The following NRXN3 variants were observed in gnomAD, a reference collection of about 807,000 sequenced individuals.
NRXN3 encodes neurexin 3, also known as neurexin III.
In NRXN3, 32 loss-of-function variants were observed where a neutral mutation model predicts 137.6. That is an observed-to-expected ratio of 0.23 (90% CI 0.18 to 0.31). The LOEUF (loss-of-function observed/expected upper bound fraction) is 0.31, where lower values mean the gene tolerates loss of function less well. NRXN3 is among the 10% of genes least tolerant of loss of function. The pLI is 1.00. For synonymous variants in NRXN3, 798 were observed against 784.5 expected (o/e 1.02, Z -0.29); for missense variants, 1,574 against 2,062.5 (o/e 0.76, Z 4.59).
chr14:79,217,719 C>T (rs759011948), intron 15 of NRXN3, among the ~76,000 whole-genome samples: 2 of 152,108 alleles, frequency 1.3e-5, no homozygotes, highest in Non-Finnish European at 2.9e-5. Flanking sequence ...CTCTGGTACC[C>T]TGCTCCCTCC....
chr14:78,972,622 A>G (rs1449607320), intron 14 of NRXN3, among the ~76,000 whole-genome samples: 5 of 152,038 alleles, frequency 3.3e-5, no homozygotes, highest in Non-Finnish European at 7.4e-5. Flanking sequence ...GTGCTTTGTC[A>G]AGTCTGATGC....
chr14:79,491,721 G>A (rs564167158), intron 16 of NRXN3, among the ~76,000 whole-genome samples: 2 of 152,250 alleles, frequency 1.3e-5, no homozygotes, highest in South Asian at 2.1e-4. Flanking sequence ...AAATGCCAAT[G>A]AGCATGATGG....
chr14:78,588,262 A>G (rs771010720), intron 4 of NRXN3, among the ~76,000 whole-genome samples: 1 of 152,190 alleles, frequency 6.6e-6, no homozygotes, highest in Non-Finnish European at 1.5e-5. Context: ...TCACCACTCA[A>G]TCATTCTCCT....
intron 15 of NRXN3, among the ~76,000 whole-genome samples, chr14:79,143,515 T>C (rs1050816655): frequency 6.6e-6 from 1 of 152,236 alleles, no homozygotes; most frequent in African/African-American, 2.4e-5. Flanking sequence ...TCTGACATGG[T>C]ACCTTCTTAA....
intron 15 of NRXN3, among the ~76,000 whole-genome samples, chr14:79,013,117 T>G (rs1184675343): frequency 1.3e-5 from 2 of 152,194 alleles, no homozygotes; most frequent in Non-Finnish European, 2.9e-5. Context: ...TTTGCCTGTA[T>G]GAAATTCATT....
At chr14:79,193,662 A>C (rs536337761) in intron 15 of NRXN3, among the ~76,000 whole-genome samples, 1 of 152,332 alleles carries the variant, frequency 6.6e-6, no homozygotes, top group South Asian at 2.1e-4. Context: ...GCAGGGAAAA[A>C]AATCTGCTTA....
intron 8 of NRXN3, among the ~76,000 whole-genome samples, chr14:78,733,310 G>A (rs1326379215): frequency 1.3e-5 from 2 of 152,062 alleles, no homozygotes; most frequent in African/African-American, 4.8e-5. Flanking sequence ...CTCAGTCTTT[G>A]CATCCAAAAC....
At chr14:79,737,225 T>A (rs2098945186) in intron 19 of NRXN3, among the ~76,000 whole-genome samples, 1 of 152,218 alleles carries the variant, frequency 6.6e-6, no homozygotes, top group Admixed American at 6.5e-5. Flanking sequence ...CCATGGGTTG[T>A]CCACTTTGTG....
chr14:78,304,390 G>C (rs1423261778), intron 4 of NRXN3, among the ~76,000 whole-genome samples: 2 of 152,160 alleles, frequency 1.3e-5, no homozygotes, highest in Non-Finnish European at 2.9e-5. Context: ...GGAAAGAATT[G>C]TCAAGTTAAA....
At chr14:79,589,691 CAAAA>C (rs779843165) in intron 16 of NRXN3, among the ~76,000 whole-genome samples, 1 of 148,824 alleles carries the variant, frequency 6.7e-6, no homozygotes, top group South Asian at 2.1e-4. Context: ...CATTATTGAA[CAAAA>C]AAAAAGCCCA....
intron 16 of NRXN3, among the ~76,000 whole-genome samples, chr14:79,541,637 T>C (rs1424847): frequency 0.27 from 41,361 of 152,120 alleles, 6,482 homozygotes; most frequent in African/African-American, 0.42. Flanking sequence ...CAGACACTCA[T>C]GTACCTGACA....
At chr14:78,317,534 C>G (rs776617772) in intron 4 of NRXN3, among the ~76,000 whole-genome samples, 1 of 152,180 alleles carries the variant, frequency 6.6e-6, no homozygotes, top group Non-Finnish European at 1.5e-5. Flanking sequence ...TTCTGCTTTC[C>G]CCCTGCCACT....
intron 19 of NRXN3, among the ~76,000 whole-genome samples, chr14:79,797,467 A>G (rs1006968565): frequency 6.6e-6 from 1 of 152,138 alleles, no homozygotes; most frequent in African/African-American, 2.4e-5. Flanking sequence ...TAGTATCTTA[A>G]CAAGACTAGA....
At chr14:78,940,819 G>A (rs528959903) in intron 10 of NRXN3, among the ~76,000 whole-genome samples, 215 of 152,242 alleles carry the variant, frequency 1.4e-3, no homozygotes, top group Non-Finnish European at 2.9e-3. Context: ...ATAGCAGCAA[G>A]TAGTGCTGAT....
At chr14:78,372,927 G>T (rs1452774500) in intron 4 of NRXN3, among the ~76,000 whole-genome samples, 1 of 152,160 alleles carries the variant, frequency 6.6e-6, no homozygotes, top group Non-Finnish European at 1.5e-5. Flanking sequence ...GAAGACAGTT[G>T]TCACTAGTAG....
intron 15 of NRXN3, among the ~76,000 whole-genome samples, chr14:79,441,105 C>G (rs763941078): frequency 6.6e-6 from 1 of 152,102 alleles, no homozygotes; most frequent in East Asian, 1.9e-4. Flanking sequence ...AATGTTGTTA[C>G]GGATTATAGG....
chr14:79,308,803 C>CATTCT (rs2086603240), intron 15 of NRXN3, among the ~76,000 whole-genome samples: 1 of 140,994 alleles, frequency 7.1e-6, no homozygotes, highest in Non-Finnish European at 1.5e-5. Flanking sequence ...TGAATGTGTA[C>CATTCT]AACAGCCAGT....
At chr14:78,787,087 T>C (rs963371342) in intron 8 of NRXN3, among the ~76,000 whole-genome samples, 3 of 152,180 alleles carry the variant, frequency 2.0e-5, no homozygotes, top group African/African-American at 7.2e-5. Context: ...TTTGTTGGCT[T>C]GACTTTTCTA....
rs566695400 is a variant in NRXN3, at chr14:78,480,955, G to T, written c.758-164165G>T. Reference sequence around the variant, plus strand: ...CCATGTTCCATCTTTCCTCTACGTTGTCTCTCCTTTGTGACCTCTTTCTGT... The same window carrying T: ...CCATGTTCCATCTTTCCTCTACGTTTTCTCTCCTTTGTGACCTCTTTCTGT... On this transcript the variant is annotated intron_variant, in intron 4 of 20. Coordinates refer to ENST00000335750, the MANE Select transcript of NRXN3 (RefSeq NM_001330195.2). 2.6e-5 allele frequency among the ~76,000 whole-genome samples: 4 copies of T among 152,024 alleles called. No homozygotes were observed. In the East Asian group the frequency reaches 7.7e-4, roughly 29 times the overall value.
Sources: gnomAD v4.1 joint callset for allele counts (sites outside exome capture counted in the v4.1 genomes callset) on GRCh38, gnomAD v4.1.1 for gene constraint, MANE v1.5 for transcripts, NCBI Gene and HGNC (gene_info 2026-07-23, HGNC 2026-07-21) for gene names.